Variants in CCL14 observed in about 807,000 individuals in gnomAD.
CCL14 encodes the protein C-C motif chemokine 14.
In CCL14, 8 loss-of-function variants were observed where a neutral mutation model predicts 8.2. That is an observed-to-expected ratio of 0.98 (90% CI 0.57 to 1.76). The LOEUF (loss-of-function observed/expected upper bound fraction) is 1.76, where lower values mean the gene tolerates loss of function less well. Ranked by LOEUF, CCL14 falls within the 40% of genes most tolerant of loss-of-function variation. CCL14 has a pLI of 0.00. For missense variants in CCL14, 127 were observed against 118.3 expected (o/e 1.07, Z -0.34); for synonymous variants, 50 against 43.2 (o/e 1.16, Z -0.62).
Position 35,983,454 on chromosome 17 carries a change from T to C in CCL14, c.*347A>G, listed in dbSNP as rs71381488. On this transcript the variant is annotated 3_prime_UTR_variant, in exon 3 of 3. Coordinates refer to ENST00000618404, the MANE Select transcript of CCL14 (RefSeq NM_032963.4). ...AAGAAAACGGGGTCTGCTACTGTTG[T>C]TGCTGAGGAGGAGACGGTCTTTACA... is the stretch of plus-strand genomic sequence containing the variant. 0.1 allele frequency: 25,452 copies of C among 254,022 alleles called. 1,742 individuals are homozygous for C. The highest frequency in any genetic ancestry group is 0.2 in the East Asian group (2,548 of 12,622). 15.7% of individuals were successfully genotyped at this position (254,022 alleles called of 1,614,324 possible). A position where few individuals can be genotyped will look rare whatever the true frequency, so the allele number is the denominator to read the frequency against.
chr17:35,984,360 G>T lies in CCL14; in HGVS notation c.172C>A (p.Gln58Lys), dbSNP rs751828166. 29 of 1,613,240 alleles carry T rather than the reference G, an allele frequency of 1.8e-5. No homozygotes were observed. Among genetic ancestry groups the T allele is most frequent in the Non-Finnish European group, 2.5e-5 (29 of 1,179,502 alleles). Residue 58 changes from glutamine (Q) to lysine (K), a missense_variant, in exon 2 of 3, where the codon CAG (glutamine) becomes AAG (lysine). Physicochemically the swap from Gln to Lys is moderately conservative, Grantham distance 53. Transcript: ENST00000618404. ...RIMDYYETNSQCSKPGIVFIT... is the reference protein window; with the variant it reads ...RIMDYYETNSKCSKPGIVFIT... ...TACACAATTCCGGGCTTGGAGCACTGGCTGTTGGTCTCATAGTAATCCATA... is the reference window on the plus strand; with the variant it reads ...TACACAATTCCGGGCTTGGAGCACTTGCTGTTGGTCTCATAGTAATCCATA...
At chr17:35,985,017 C>T (rs544618157) in intron 1 of CCL14, 2 of 163,162 alleles carry the variant, frequency 1.2e-5, no homozygotes, top group African/African-American at 2.4e-5. Flanking sequence ...AGAGTCAGGG[C>T]ACCCAAATCC....
At chr17:35,986,500 A>G (rs749600684) in intron 1 of CCL14, 71 bp downstream of exon 1, 2 of 1,248,226 alleles carry the variant, frequency 1.6e-6, no homozygotes. Context: ...TCTTCCCCTG[A>G]GCCCCAACCT....
chr17:35,983,749 C>G lies in CCL14; in HGVS notation c.*52G>C. 1 of 1,297,316 alleles carries G rather than the reference C, an allele frequency of 7.7e-7. No homozygotes were observed. The highest frequency in any genetic ancestry group is 1.1e-6 in the Non-Finnish European group (1 of 891,242). 80.4% of individuals were successfully genotyped at this position (1,297,316 alleles called of 1,614,324 possible). A position where few individuals can be genotyped will look rare whatever the true frequency, so the allele number is the denominator to read the frequency against. On this transcript the variant is annotated 3_prime_UTR_variant, in exon 3 of 3. Transcript: ENST00000618404. ...CGGTGGGTGGAGGAGGGGGCCTTGG[C>G]ATCTTCTCTTTATGTCTCTGAGCTG... is the stretch of plus-strand genomic sequence containing the variant.
chr17:35,986,018 T>C (rs950458709), intron 1 of CCL14: 5 of 564,828 alleles, frequency 8.9e-6, no homozygotes, highest in African/African-American at 7.6e-5. Context: ...AAAAATGCCC[T>C]TGAGGGGCTC....
chr17:35,986,445 AT>A (rs1555639961), intron 1 of CCL14, 125 bp downstream of exon 1: 1 of 702,976 alleles, frequency 1.4e-6, no homozygotes, highest in Non-Finnish European at 2.5e-6. Context: ...TATACACACA[AT>A]TTCAAGAAGA....
At chr17:35,984,951 C>T (rs1442131840) in intron 1 of CCL14, 3 of 189,874 alleles carry the variant, frequency 1.6e-5, no homozygotes, top group African/African-American at 2.3e-5. Flanking sequence ...CCCATTGAAC[C>T]GACAACCTGC....
intron 1 of CCL14, chr17:35,984,805 T>C (rs1256571395): frequency 1.1e-5 from 5 of 460,884 alleles, no homozygotes; most frequent in African/African-American, 4.0e-5. Context: ...GCCAATATCA[T>C]GCAGCCTTCA....
chr17:35,985,286 A>G (rs545849066), intron 1 of CCL14: 1 of 163,526 alleles, frequency 6.1e-6, no homozygotes, highest in East Asian at 1.8e-4. Flanking sequence ...TTTGTGGTCT[A>G]AAAAGTTTTA....
At chr17:35,985,752 C>A (rs1265410441) in intron 1 of CCL14, 2 of 1,551,380 alleles carry the variant, frequency 1.3e-6, no homozygotes, top group African/African-American at 2.7e-5. Flanking sequence ...ACATACCCAC[C>A]AACTTTAGCT....
intron 2 of CCL14, 116 bp downstream of exon 2, chr17:35,984,222 G>A: frequency 1.3e-6 from 1 of 766,212 alleles, no homozygotes; most frequent in Non-Finnish European, 2.3e-6. Flanking sequence ...CTCTCCCCAT[G>A]TAGTCACACC....
Position 35,986,587 on chromosome 17 carries a change from C to T in CCL14, c.63G>A (p.Lys21=). 6.2e-7 allele frequency: 1 copy of T among 1,613,820 alleles called. No homozygotes were observed. The highest frequency in any genetic ancestry group is 8.5e-7 in the Non-Finnish European group (1 of 1,179,834). ...FLLITIALGT[K]TESSSRGPYH... The stretch of plus-strand genomic sequence containing the variant: ...TGCACTCACGTGAGGAGGATTCAGT[C>T]TTGGTCCCTAGGGCGATGGTGATGA... The change falls in exon 1 of 3, where the codon AAG becomes AAA. Residue 21 remains lysine, a synonymous_variant. Coordinates refer to ENST00000618404, the MANE Select transcript of CCL14 (RefSeq NM_032963.4).
rs1417919580 is a variant in CCL14 at position 35,983,618 on chromosome 17, G to A, written c.*183C>T. ...CACACCCTGGTGTCCTCAGTGCATG[G>A]CCAATGAGTAAATCCCGTAGAAAGG... On this transcript the variant is annotated 3_prime_UTR_variant, in exon 3 of 3. Coordinates refer to ENST00000618404, the MANE Select transcript of CCL14 (RefSeq NM_032963.4). 2.2e-5 allele frequency: 13 copies of A among 592,748 alleles called. No individual in the cohort carries two copies. Among genetic ancestry groups the A allele is most frequent in the Admixed American group, 1.7e-4 (6 of 35,734 alleles). The allele number at this position is 592,748 out of a possible 1,614,324, so 36.7% of individuals were successfully genotyped here. A position where few individuals can be genotyped will look rare whatever the true frequency, so the allele number is the denominator to read the frequency against.
intron 2 of CCL14, 126 bp downstream of exon 2, chr17:35,984,212 C>T: frequency 1.4e-6 from 1 of 720,792 alleles, no homozygotes; most frequent in Non-Finnish European, 2.4e-6. Context: ...CCTCAGCTGC[C>T]TCTCCCCATG....
intron 2 of CCL14, among the ~76,000 whole-genome samples, 173 bp from the exon 3 acceptor site, chr17:35,984,061 A>ACCCCTAGGG (rs2089716288): frequency 6.6e-6 from 1 of 151,710 alleles, no homozygotes; most frequent in Non-Finnish European, 1.5e-5. Context: ...GGTTCCTAGG[A>ACCCCTAGGG]CCCCTAGACC....
intron 1 of CCL14, chr17:35,985,711 AT>A: frequency 1.3e-6 from 2 of 1,534,536 alleles, no homozygotes; most frequent in Non-Finnish European, 1.8e-6. Context: ...GAGCTGACAA[AT>A]GACATCGGAG....
In CCL14 at chr17:35,986,549, G is replaced by A. The variant is rs569650810; in HGVS notation, c.79+22C>T. 757 of 1,596,318 alleles carry A rather than the reference G, an allele frequency of 4.7e-4. 7 individuals carry two copies. The South Asian group carries it at 7.7e-3, about 16-fold the overall frequency. Reference sequence around the variant, plus strand: ...TTCCCTGCAGGCTCTAGGTTGGAAGGAAGACAAGGCATTGCACTCACGTGA... The same window carrying A: ...TTCCCTGCAGGCTCTAGGTTGGAAGAAAGACAAGGCATTGCACTCACGTGA... On this transcript the variant is annotated intron_variant, in intron 1 of 2. Transcript: ENST00000618404.
At chr17:35,986,087 T>C (rs1470791497) in intron 1 of CCL14, 5 of 455,346 alleles carry the variant, frequency 1.1e-5, no homozygotes, top group Non-Finnish European at 1.9e-5. Flanking sequence ...GGCCACTCTT[T>C]TGCTTAGCGG....
chr17:35,984,275 C>T (rs2089720446), intron 2 of CCL14, 63 bp downstream of exon 2: 4 of 1,216,618 alleles, frequency 3.3e-6, no homozygotes, highest in Non-Finnish European at 4.9e-6. Context: ...CCACTCCCTG[C>T]TTCCCTCCAG....
Sources: gnomAD v4.1 joint callset for allele counts (sites outside exome capture counted in the v4.1 genomes callset) on GRCh38, gnomAD v4.1.1 for gene constraint, MANE v1.5 for transcripts, NCBI Gene and HGNC (gene_info 2026-07-23, HGNC 2026-07-21) for gene names.